Variants in MACROD2 observed in about 807,000 individuals in gnomAD.
The protein encoded by MACROD2 is mono-ADP ribosylhydrolase 2.
A neutral mutation model predicts 70.4 loss-of-function variants in MACROD2; 36 were observed. That is an observed-to-expected ratio of 0.51 (90% CI 0.39 to 0.68). MACROD2 has a LOEUF of 0.68. MACROD2 is among the 30% of genes least tolerant of loss of function. The probability of loss-of-function intolerance (pLI) is 0.00; values close to 1 mark genes in which losing one functional copy is unlikely to be tolerated. For synonymous variants in MACROD2, 172 were observed against 178.8 expected, an observed-to-expected ratio of 0.96 and a Z score of 0.30; for missense variants, 496 against 538.4, an observed-to-expected ratio of 0.92 and a Z score of 0.78.
intron 3 of MACROD2, among the ~76,000 whole-genome samples, chr20:14,389,455 C>T (rs1471948724): frequency 1.3e-5 from 2 of 149,044 alleles, no homozygotes; most frequent in South Asian, 2.2e-4. Flanking sequence ...ATAGGGTCTC[C>T]GTCAATTGCC....
chr20:14,756,834 A>G (rs1194411574), intron 5 of MACROD2, among the ~76,000 whole-genome samples: 4 of 152,098 alleles, frequency 2.6e-5, no homozygotes, highest in Non-Finnish European at 5.9e-5. Flanking sequence ...AGGTGGAGAT[A>G]ATGTTTCCCC....
intron 12 of MACROD2, among the ~76,000 whole-genome samples, chr20:15,962,886 G>A (rs989660902): frequency 1.3e-5 from 2 of 152,182 alleles, no homozygotes; most frequent in African/African-American, 4.8e-5. Flanking sequence ...CAGCTTCACT[G>A]GGACCAAGCA....
intron 8 of MACROD2, among the ~76,000 whole-genome samples, chr20:15,700,226 G>C (rs183868529): frequency 4.6e-5 from 7 of 152,294 alleles, no homozygotes; most frequent in Non-Finnish European, 4.4e-5. Context: ...TCTGCATGCT[G>C]CTCTGTCTAG....
intron 5 of MACROD2, among the ~76,000 whole-genome samples, chr20:15,113,685 G>C (rs779184808): frequency 2.0e-5 from 3 of 151,776 alleles, no homozygotes; most frequent in Admixed American, 6.6e-5. Context: ...TGTGGGTTTT[G>C]CCTGTTTCTT....
intron 10 of MACROD2, among the ~76,000 whole-genome samples, chr20:15,914,280 T>C (rs1000409889): frequency 6.6e-6 from 1 of 152,214 alleles, no homozygotes; most frequent in Non-Finnish European, 1.5e-5. Flanking sequence ...TCTGTTGTCC[T>C]TATTAACAAA....
At chr20:16,032,731 AGAG>A (rs1221908446) in intron 15 of MACROD2, among the ~76,000 whole-genome samples, 2 of 137,476 alleles carry the variant, frequency 1.5e-5, no homozygotes, top group East Asian at 2.5e-4. Context: ...AGGAAGAAGG[AGAG>A]AAGAAGGGAA....
intron 8 of MACROD2, among the ~76,000 whole-genome samples, chr20:15,529,605 G>T (rs1250069103): frequency 2.6e-5 from 4 of 151,982 alleles, no homozygotes; most frequent in African/African-American, 9.7e-5. Flanking sequence ...GTAAAGCCAT[G>T]TTTGTGATTT....
chr20:15,387,385 A>G (rs1247870306), intron 6 of MACROD2, among the ~76,000 whole-genome samples: 2 of 132,408 alleles, frequency 1.5e-5, no homozygotes, highest in East Asian at 4.6e-4. Context: ...CTCTCTTCCT[A>G]CCTCTCTGCA....
intron 6 of MACROD2, among the ~76,000 whole-genome samples, chr20:15,276,463 A>G (rs1345540408): frequency 1.3e-5 from 2 of 152,146 alleles, no homozygotes; most frequent in African/African-American, 2.4e-5. Context: ...TTAACTAGTT[A>G]TTTGAAAACT....
At chr20:14,396,833 G>A (rs1270877184) in intron 3 of MACROD2, among the ~76,000 whole-genome samples, 2 of 148,322 alleles carry the variant, frequency 1.3e-5, no homozygotes, top group Admixed American at 6.8e-5. Flanking sequence ...GCTGAGGCAG[G>A]AGAATGGCGT....
chr20:14,398,555 T>G (rs1483242072), intron 3 of MACROD2, among the ~76,000 whole-genome samples: 2 of 152,174 alleles, frequency 1.3e-5, no homozygotes, highest in Non-Finnish European at 2.9e-5. Flanking sequence ...TGGGCATTTG[T>G]ATGTCTTCTT....
chr20:15,437,665 G>A (rs914209669), intron 7 of MACROD2, among the ~76,000 whole-genome samples: 3 of 151,908 alleles, frequency 2.0e-5, no homozygotes, highest in South Asian at 2.1e-4. Flanking sequence ...CTCCACCCTC[G>A]AGTAGACCCC....
chr20:14,902,505 T>C (rs1367038351), intron 5 of MACROD2, among the ~76,000 whole-genome samples: 1 of 152,108 alleles, frequency 6.6e-6, no homozygotes, highest in African/African-American at 2.4e-5. Flanking sequence ...GCATTTACCC[T>C]CCCCATACCA....
At chr20:15,261,212 T>C (rs921092591) in intron 6 of MACROD2, among the ~76,000 whole-genome samples, 4 of 151,966 alleles carry the variant, frequency 2.6e-5, no homozygotes, top group African/African-American at 7.2e-5. Flanking sequence ...ATTGGATTTA[T>C]ACGGTTTGGC....
intron 3 of MACROD2, among the ~76,000 whole-genome samples, chr20:14,454,696 T>C (rs2084280330): frequency 6.6e-6 from 1 of 151,618 alleles, no homozygotes; most frequent in South Asian, 2.1e-4. Flanking sequence ...AGAAGTTAAG[T>C]GATTTGTCCC....
In MACROD2 at chr20:15,197,647, T is replaced by C. The variant is rs374528568; in HGVS notation, c.419-32293T>C. ...TCCCTAAGTCCCCCAAATTAGTTTT[T>C]TGATATTTACTTTTTCTGTGATTAT... On this transcript the variant is annotated intron_variant, in intron 5 of 17. Coordinates refer to ENST00000684519, the MANE Select transcript of MACROD2 (RefSeq NM_001351661.2). Among the ~76,000 whole-genome samples, 16 of 152,306 alleles carry C rather than the reference T, an allele frequency of 1.1e-4. No homozygotes were observed. In the East Asian group the frequency reaches 2.9e-3, roughly 28 times the overall value.
intron 6 of MACROD2, among the ~76,000 whole-genome samples, chr20:15,361,505 T>C (rs1204398109): frequency 1.3e-5 from 2 of 152,210 alleles, no homozygotes; most frequent in Admixed American, 1.3e-4. Flanking sequence ...AGAGTGATTC[T>C]TCCCACTTTA....
intron 5 of MACROD2, among the ~76,000 whole-genome samples, chr20:15,112,222 G>A (rs1175441767): frequency 1.3e-5 from 2 of 152,062 alleles, no homozygotes; most frequent in East Asian, 1.9e-4. Context: ...ATCATTGCAC[G>A]GTTGATGTTA....
chr20:14,295,595 G>A (rs2122467517), intron 3 of MACROD2, among the ~76,000 whole-genome samples: 1 of 151,874 alleles, frequency 6.6e-6, no homozygotes, highest in African/African-American at 2.4e-5. Flanking sequence ...GTAATACCTG[G>A]TGCTACCATT....
Sources: allele counts gnomAD v4.1 joint callset (sites outside exome capture counted in the v4.1 genomes callset), GRCh38; gene constraint gnomAD v4.1.1; transcripts MANE v1.5; gene names NCBI Gene and HGNC (gene_info 2026-07-23, HGNC 2026-07-21).